Variants in BIRC2 observed in about 807,000 individuals in gnomAD.
The protein encoded by BIRC2 is baculoviral IAP repeat-containing protein 2.
A neutral mutation model predicts 60.9 loss-of-function variants in BIRC2; 18 were observed. The observed-to-expected ratio is 0.30, with a 90% CI of 0.20 to 0.44. The LOEUF (loss-of-function observed/expected upper bound fraction) is 0.44. Among genes scored for constraint, BIRC2 ranks in the 20% least tolerant of loss-of-function variants. The probability of loss-of-function intolerance (pLI) is 1.00; values close to 1 mark genes in which losing one functional copy is unlikely to be tolerated. For missense variants in BIRC2, 701 were observed against 728.5 expected, an observed-to-expected ratio of 0.96 and a Z score of 0.43; for synonymous variants, 282 against 247.7, an observed-to-expected ratio of 1.14 and a Z score of -1.30.
chr11:102,361,381 A>G (rs1263785036), intron 3 of BIRC2, among the ~76,000 whole-genome samples: 1 of 152,120 alleles, frequency 6.6e-6, no homozygotes, highest in East Asian at 1.9e-4. Flanking sequence ...AAGGTCTTAC[A>G]TGAAGGTACA....
intron 3 of BIRC2, among the ~76,000 whole-genome samples, chr11:102,362,329 T>A (rs1395734099): frequency 6.6e-6 from 1 of 152,188 alleles, no homozygotes; most frequent in Non-Finnish European, 1.5e-5. Flanking sequence ...TAGATATAGA[T>A]GGTATGTGAA....
intron 3 of BIRC2, among the ~76,000 whole-genome samples, chr11:102,351,614 CAAAAAAAA>C (rs768269523): frequency 2.9e-5 from 2 of 68,610 alleles, no homozygotes; most frequent in Non-Finnish European, 5.1e-5. Flanking sequence ...GACTCTGTCT[CAAAAAAAA>C]AAAAAAAAAA....
intron 3 of BIRC2, among the ~76,000 whole-genome samples, chr11:102,360,066 A>T (rs1244774592): frequency 1.3e-5 from 2 of 151,786 alleles, no homozygotes; most frequent in African/African-American, 4.8e-5. Flanking sequence ...TCCCAGGTTC[A>T]AGTGATTCTC....
chr11:102,359,761 A>G (rs1951464801), intron 3 of BIRC2, among the ~76,000 whole-genome samples: 1 of 151,978 alleles, frequency 6.6e-6, no homozygotes, highest in South Asian at 2.1e-4. Flanking sequence ...ACAGTTTTAA[A>G]ATTCTCTTTC....
At position 102,350,106 on chromosome 11, in the gene BIRC2, C is replaced by T. The variant is rs776440324; in HGVS notation, c.252C>T (p.Phe84=). Residue 84 remains phenylalanine, a synonymous_variant, in exon 2 of 9, where the codon TTC becomes TTT. Transcript: ENST00000227758. ...GTGTGAATGACAAGGTCAAATGCTT[C>T]TGTTGTGGCCTGATGCTGGATAACT... ...YTGVNDKVKC[F]CCGLMLDNWK... is the part of the protein sequence containing the mutation. The T allele has an allele frequency of 1.9e-6, 3 of 1,614,108 alleles. No homozygotes were observed. Among genetic ancestry groups the T allele is most frequent in the African/African-American group, 2.7e-5 (2 of 74,940 alleles).
intron 5 of BIRC2, 95 bp from the exon 6 acceptor site, chr11:102,368,211 T>C (rs980432312): frequency 7.2e-7 from 1 of 1,392,730 alleles, no homozygotes; most frequent in Admixed American, 2.1e-5. Context: ...TACCAGAATA[T>C]GAGAGTAAAG....
intron 3 of BIRC2, among the ~76,000 whole-genome samples, chr11:102,360,883 G>A (rs538957945): frequency 1.3e-5 from 2 of 151,962 alleles, no homozygotes; most frequent in South Asian, 4.2e-4. Flanking sequence ...GGAAGGCCCA[G>A]CATTGTGAAC....
intron 1 of BIRC2, 180 bp from the exon 2 acceptor site, chr11:102,348,418 T>C: frequency 6.3e-6 from 1 of 159,884 alleles, no homozygotes; most frequent in Middle Eastern, 3.1e-3. Context: ...GTATGTTGCA[T>C]TTACTTATTT....
At chr11:102,356,500 T>G (rs1951423128) in intron 3 of BIRC2, among the ~76,000 whole-genome samples, 1 of 150,690 alleles carries the variant, frequency 6.6e-6, no homozygotes. Context: ...CCGGCCAGCT[T>G]TCAGGTTTTC....
chr11:102,377,825 A>G (rs777616328), intron 7 of BIRC2, 32 bp from the exon 8 acceptor site: 1 of 1,597,440 alleles, frequency 6.3e-7, no homozygotes, highest in South Asian at 1.2e-5. Flanking sequence ...TGTATTTAGT[A>G]GAGTAATGGT....
chr11:102,350,060 G>C lies in BIRC2; in HGVS notation c.206G>C (p.Arg69Pro). 1.2e-6 allele frequency: 2 copies of C among 1,614,192 alleles called. No individual in the cohort carries two copies. Among genetic ancestry groups the C allele is most frequent in the Non-Finnish European group, 1.7e-6 (2 of 1,180,038 alleles). The change falls in exon 2 of 9, where the codon CGT (arginine) becomes CCT (proline). Residue 69 changes from arginine to proline, a missense_variant. This residue lies in a region of BIRC2 where 375 missense variants were observed against 365.9 expected (regional missense o/e 1.02). Coordinates refer to ENST00000227758, the MANE Select transcript of BIRC2 (RefSeq NM_001166.5). The part of the protein sequence containing the change: ...GVPVSERSLA[R>P]AGFYYTGVND... ...CCTGTCTCAGAAAGGAGTCTTGCTCGTGCTGGTTTTTATTATACTGGTGTG... is the reference window on the plus strand; with the variant it reads ...CCTGTCTCAGAAAGGAGTCTTGCTCCTGCTGGTTTTTATTATACTGGTGTG...
At chr11:102,376,756 T>G (rs35576677) in intron 6 of BIRC2, among the ~76,000 whole-genome samples, 1 of 152,228 alleles carries the variant, frequency 6.6e-6, no homozygotes, top group Admixed American at 6.5e-5. Flanking sequence ...ATAATGGTAG[T>G]TAACTATGTA....
intron 6 of BIRC2, among the ~76,000 whole-genome samples, chr11:102,374,979 A>AC (rs1951691084): frequency 6.6e-6 from 1 of 151,930 alleles, no homozygotes; most frequent in Non-Finnish European, 1.5e-5. Context: ...GAACTCCTTG[A>AC]CCCCTTGGGC....
In BIRC2 at chr11:102,350,767, A is replaced by C; in HGVS notation, c.895+18A>C. On this transcript the variant is annotated intron_variant, in intron 2 of 8. Coordinates refer to ENST00000227758, the MANE Select transcript of BIRC2 (RefSeq NM_001166.5). ...TTATGTGGGTAAGAAGCAAATAACT[A>C]TACATTTTATCATTTTATTTTAATT... is the stretch of plus-strand genomic sequence containing the variant. 1.9e-6 allele frequency: 3 copies of C among 1,603,696 alleles called. No homozygotes were observed. Among genetic ancestry groups the C allele is most frequent in the Non-Finnish European group, 2.6e-6 (3 of 1,175,988 alleles).
chr11:102,367,350 C>T (rs1448911681), intron 5 of BIRC2, among the ~76,000 whole-genome samples: 1 of 151,398 alleles, frequency 6.6e-6, no homozygotes, highest in East Asian at 1.9e-4. Context: ...TAATGATCCT[C>T]TAATGTGTCT....
chr11:102,374,100 G>T (rs919076879), intron 6 of BIRC2, among the ~76,000 whole-genome samples: 2 of 146,078 alleles, frequency 1.4e-5, no homozygotes, highest in South Asian at 2.2e-4. Flanking sequence ...CAACTTCTTT[G>T]CCTTTGGTTT....
rs1013457850 is a variant in BIRC2 at position 102,350,862 on chromosome 11, A to C, written c.914A>C (p.Lys305Thr). 7 of 1,613,910 alleles carry C rather than the reference A, an allele frequency of 4.3e-6. No homozygotes were observed. The highest frequency in any genetic ancestry group is 1.7e-5 in the Admixed American group (1 of 60,010). ...FYYVGRNDDV[K>T]CFCCDGGLRC... The stretch of plus-strand genomic sequence containing the variant: ...CCTGAAGGTCGCAATGATGATGTCA[A>C]ATGCTTTTGTTGTGATGGTGGCTTG... The change falls in exon 3 of 9, where the codon AAA (lysine) becomes ACA (threonine). Residue 305 changes from lysine to threonine, a missense_variant. By Grantham distance (78) the Lys-to-Thr change is moderately conservative (BLOSUM62 -1). Coordinates refer to ENST00000227758, the MANE Select transcript of BIRC2 (RefSeq NM_001166.5).
At chr11:102,375,844 A>G (rs762015178) in intron 6 of BIRC2, among the ~76,000 whole-genome samples, 10 of 152,112 alleles carry the variant, frequency 6.6e-5, no homozygotes, top group East Asian at 1.9e-4. Flanking sequence ...TCAACCAGAC[A>G]TCGGCTTTCT....
At chr11:102,347,874 C>G (rs967512341) in intron 1 of BIRC2, 4 of 152,200 alleles carry the variant, frequency 2.6e-5, no homozygotes, top group South Asian at 2.1e-4. Flanking sequence ...ATTCTTTTCC[C>G]TTCCATCCTA....
Sources: allele counts gnomAD v4.1 joint callset (sites outside exome capture counted in the v4.1 genomes callset), GRCh38; gene constraint gnomAD v4.1.1; regional missense constraint gnomAD v4.1.1; transcripts MANE v1.5; gene names NCBI Gene and HGNC (gene_info 2026-07-23, HGNC 2026-07-21).